Variants in MTMR14 observed in about 807,000 individuals in gnomAD.
MTMR14 encodes myotubularin related protein 14, also known as phosphatidylinositol-3,5-bisphosphate 3-phosphatase MTMR14.
Under a neutral mutation model 86.3 loss-of-function variants are expected in MTMR14, and 48 were observed. That is an observed-to-expected ratio of 0.56 (90% confidence interval 0.44 to 0.71). MTMR14 has a LOEUF of 0.71. Among genes scored for constraint, MTMR14 ranks in the 30% least tolerant of loss-of-function variants. The pLI, the probability that MTMR14 is intolerant of heterozygous loss-of-function variation, is 0.00. For missense variants in MTMR14, 780 were observed against 834.6 expected (o/e 0.93, Z 0.81); for synonymous variants, 366 against 326.1 (o/e 1.12, Z -1.32).
At chr3:9,652,002 T>G (rs1210417063) in intron 1 of MTMR14, among the ~76,000 whole-genome samples, 1 of 152,022 alleles carries the variant, frequency 6.6e-6, no homozygotes, top group Non-Finnish European at 1.5e-5. Flanking sequence ...CAGCTAATTT[T>G]TATATTTTTA....
Position 9,669,315 on chromosome 3 carries a change from A to G in MTMR14, c.494-117A>G, listed in dbSNP as rs1433707807. The stretch of plus-strand genomic sequence containing the variant: ...GGGGGCATACTGTGTCCTTAGGAGT[A>G]GAGCCATGTAGTCCCAGCCCACCCT... On this transcript the variant is annotated intron_variant, in intron 4 of 18. Coordinates refer to ENST00000296003, the MANE Select transcript of MTMR14 (RefSeq NM_001077525.3). 6.6e-6 allele frequency: 6 copies of G among 911,024 alleles called. No individual in the cohort carries two copies. The Admixed American group carries it at 1.4e-4, about 21-fold the overall frequency. The allele number at this position is 911,024 out of a possible 1,614,324, so 56.4% of individuals were successfully genotyped here. A position where few individuals can be genotyped will look rare whatever the true frequency, so the allele number is the denominator to read the frequency against.
At chr3:9,668,398 T>C in intron 3 of MTMR14, among the ~76,000 whole-genome samples, 1 of 152,198 alleles carries the variant, frequency 6.6e-6, no homozygotes, top group Non-Finnish European at 1.5e-5. Flanking sequence ...GGGCTTGTTG[T>C]AAAATTCAGT....
At chr3:9,672,442 T>C (rs1205203424) in intron 6 of MTMR14, among the ~76,000 whole-genome samples, 1 of 152,158 alleles carries the variant, frequency 6.6e-6, no homozygotes, top group East Asian at 1.9e-4. Flanking sequence ...TGTTTCACCA[T>C]GTTGTCCAGG....
chr3:9,661,617 C>A lies in MTMR14; in HGVS notation c.309-650C>A, dbSNP rs534055447. 7.2e-5 allele frequency among the ~76,000 whole-genome samples: 11 copies of A among 152,176 alleles called. No homozygotes were observed. In the South Asian group the frequency reaches 1.0e-3, roughly 14 times the overall value. On this transcript the variant is annotated intron_variant, in intron 2 of 18. Coordinates refer to ENST00000296003, the MANE Select transcript of MTMR14 (RefSeq NM_001077525.3). ...GTCCTGTGATTTCCAGAGAGGGTCC[C>A]TAGGGCACCAGGTCTTATCCTGGGA...
chr3:9,697,810 G>A lies in MTMR14; in HGVS notation c.1713G>A (p.Leu571=). ...GCAGTATTCAGGAGCGGGCTGTCCT[G>A]CACACAGACTCCTCTCTCCCTTTCA... is the stretch of plus-strand genomic sequence containing the variant. ...GCGSIQERAV[L]HTDSSLPFSF... is the part of the protein sequence containing the mutation. Residue 571 remains leucine (L), a synonymous_variant, in exon 18 of 19, where the codon CTG becomes CTA. Coordinates refer to ENST00000296003, the MANE Select transcript of MTMR14 (RefSeq NM_001077525.3). 1.2e-6 allele frequency: 2 copies of A among 1,614,192 alleles called. No individual in the cohort carries two copies. The highest frequency in any genetic ancestry group is 1.7e-6 in the Non-Finnish European group (2 of 1,180,046).
chr3:9,693,153 A>G (rs1559616005), intron 17 of MTMR14, among the ~76,000 whole-genome samples: 1 of 152,244 alleles, frequency 6.6e-6, no homozygotes, highest in Non-Finnish European at 1.5e-5. Flanking sequence ...AAGGAAACAC[A>G]TTTACAGTCA....
At chr3:9,675,417 G>C (rs1457885190) in intron 7 of MTMR14, 1 of 298,640 alleles carries the variant, frequency 3.3e-6, no homozygotes, top group Non-Finnish European at 6.8e-6. Flanking sequence ...GCTATTTAAG[G>C]AATCTCAGTT....
rs766476859 is a variant in MTMR14, at chr3:9,671,059, C to T, written c.566C>T (p.Thr189Met). The T allele has an allele frequency of 3.5e-5, 56 of 1,614,022 alleles. No homozygotes were observed. Among genetic ancestry groups the T allele is most frequent in the African/African-American group, 6.7e-5 (5 of 74,898 alleles). The stretch of plus-strand genomic sequence containing the variant: ...GCTCTTTATTTCAGAAGTGGTGACA[C>T]GCATCTTTTTGATAAGGTCAGAGGC... ...EEDCALRSGDTHLFDKVRGYD... is the reference protein window; with the variant it reads ...EEDCALRSGDMHLFDKVRGYD... Residue 189 changes from threonine to methionine, a missense_variant, in exon 6 of 19, where the codon ACG (threonine) becomes ATG (methionine). Transcript: ENST00000296003.
At chr3:9,667,192 A>T (rs1287668687) in intron 3 of MTMR14, among the ~76,000 whole-genome samples, 1 of 152,232 alleles carries the variant, frequency 6.6e-6, no homozygotes, top group Non-Finnish European at 1.5e-5. Flanking sequence ...AGCTGCCAGC[A>T]GCTTAGATGA....
rs561773820 is a variant in MTMR14 at position 9,682,894 on chromosome 3, A to G, written c.898-284A>G. On this transcript the variant is annotated intron_variant, in intron 9 of 18. Coordinates refer to ENST00000296003, the MANE Select transcript of MTMR14 (RefSeq NM_001077525.3). ...GGGGGCTCTGGGTCACCCTGGCCTC[A>G]GCATCCGTTTCTGTTCCTCACTCTC... Among the ~76,000 whole-genome samples the G allele has an allele frequency of 2.1e-4, 32 of 152,000 alleles. No individual in the cohort carries two copies. The South Asian group carries it at 6.7e-3, about 32-fold the overall frequency.
chr3:9,659,092 A>C (rs919304746), intron 2 of MTMR14, among the ~76,000 whole-genome samples: 2 of 152,182 alleles, frequency 1.3e-5, no homozygotes, highest in African/African-American at 4.8e-5. Flanking sequence ...AGCATTAGCC[A>C]AGCATCGTGG....
intron 2 of MTMR14, chr3:9,659,537 G>C (rs939117999): frequency 2.8e-6 from 1 of 357,684 alleles, no homozygotes; most frequent in South Asian, 2.1e-5. Context: ...TCCGCCTCCT[G>C]GGTTCAAGCA....
At chr3:9,660,867 C>G (rs978653686) in intron 2 of MTMR14, among the ~76,000 whole-genome samples, 3 of 152,176 alleles carry the variant, frequency 2.0e-5, no homozygotes, top group Non-Finnish European at 2.9e-5. Context: ...GGAAAGCTTC[C>G]TGCTCTAACT....
rs73811564 is a variant in MTMR14, at chr3:9,677,785, G to T, written c.823-199G>T. 6.6e-6 allele frequency among the ~76,000 whole-genome samples: 1 copy of T among 152,108 alleles called. No homozygotes were observed. Among genetic ancestry groups the T allele is most frequent in the South Asian group, 2.1e-4 (1 of 4,832 alleles). On this transcript the variant is annotated intron_variant, in intron 8 of 18. Transcript: ENST00000296003. The surrounding 1 kb of genome is among the most constrained non-coding windows in gnomAD (Gnocchi z 4.2). ...TTTCAGCAACAGACATCAAATGTCC[G>T]ACTGAAAAACTCCTACTCAGCTATA...
chr3:9,653,360 T>C (rs2047417075), intron 1 of MTMR14, among the ~76,000 whole-genome samples: 1 of 152,204 alleles, frequency 6.6e-6, no homozygotes, highest in African/African-American at 2.4e-5. Context: ...TAATGAAAGC[T>C]GTAATCGTCT....
At position 9,701,485 on chromosome 3, in the gene MTMR14, G is replaced by C. The variant is rs1363565671; in HGVS notation, c.1770-305G>C. 6 of 413,222 alleles carry C rather than the reference G, an allele frequency of 1.5e-5. No homozygotes were observed. The highest frequency in any genetic ancestry group is 2.7e-5 in the Non-Finnish European group (6 of 221,336). 25.6% of individuals were successfully genotyped at this position (413,222 alleles called of 1,614,324 possible). Reference sequence around the variant, plus strand: ...TACAGTGAGCGCTGATTGTGTCACTGCATTCCAGCCTGGGCAATAGAGTGA... The same window carrying C: ...TACAGTGAGCGCTGATTGTGTCACTCCATTCCAGCCTGGGCAATAGAGTGA... On this transcript the variant is annotated intron_variant, in intron 18 of 18. Coordinates refer to ENST00000296003, the MANE Select transcript of MTMR14 (RefSeq NM_001077525.3). This position sits in a 1 kb window ranked among gnomAD's most constrained non-coding sequence, Gnocchi z 4.2.
At chr3:9,659,509 T>C (rs2047797885) in intron 2 of MTMR14, 1 of 338,628 alleles carries the variant, frequency 3.0e-6, no homozygotes, top group African/African-American at 2.2e-5. Context: ...AGTGGCGTGA[T>C]CTCTGCTCAC....
At chr3:9,685,698 T>C (rs902568054) in intron 13 of MTMR14, among the ~76,000 whole-genome samples, 29 of 150,538 alleles carry the variant, frequency 1.9e-4, no homozygotes, top group African/African-American at 7.1e-4. Flanking sequence ...CTGCCCCTGA[T>C]GGTTGCCTCC....
chr3:9,695,792 T>C (rs1165023803), intron 17 of MTMR14, among the ~76,000 whole-genome samples: 1 of 152,186 alleles, frequency 6.6e-6, no homozygotes, highest in East Asian at 1.9e-4. Context: ...TGGAAAAGAT[T>C]CTACCCTGCA....
Sources: allele counts gnomAD v4.1 joint callset (sites outside exome capture counted in the v4.1 genomes callset), GRCh38; gene constraint gnomAD v4.1.1; non-coding constraint Gnocchi (gnomAD v3.1); transcripts MANE v1.5; gene names NCBI Gene and HGNC (gene_info 2026-07-23, HGNC 2026-07-21).